BCHE: variants seen among roughly 807,000 people sequenced by gnomAD.
BCHE encodes butyrylcholinesterase.
BCHE carries 48 observed loss-of-function variants against 51.3 expected under a neutral mutation model. The ratio of observed to expected loss-of-function variants is 0.94; its 90% confidence interval spans 0.74 to 1.19. BCHE has a LOEUF of 1.19. Ranked by LOEUF, BCHE falls within the 50% of genes most tolerant of loss-of-function variation. BCHE has a pLI of 0.00. For missense variants in BCHE, 847 were observed against 708.2 expected, an observed-to-expected ratio of 1.20 and a Z score of -2.23; for synonymous variants, 251 against 238.0, an observed-to-expected ratio of 1.05 and a Z score of -0.50.
chr3:165,826,130 G>A (rs1231347061), intron 2 of BCHE, among the ~76,000 whole-genome samples: 2 of 151,964 alleles, frequency 1.3e-5, no homozygotes, highest in Non-Finnish European at 2.9e-5. Flanking sequence ...ATGTGTTCCT[G>A]CAATTCCTCT....
chr3:165,822,463 TGA>T (rs1237924623), intron 2 of BCHE, among the ~76,000 whole-genome samples: 3 of 152,086 alleles, frequency 2.0e-5, no homozygotes, highest in Non-Finnish European at 4.4e-5. Context: ...TTAATGGCAA[TGA>T]GAGAGTTATA....
chr3:165,821,045 TTAGA>T lies in BCHE; in HGVS notation c.1517+8468_1517+8471del, dbSNP rs1419293729. Among the ~76,000 whole-genome samples the T allele has an allele frequency of 1.5e-4, 22 of 148,196 alleles. No homozygotes were observed. The South Asian group carries it at 3.2e-3, about 22-fold the overall frequency. ...AACACAATTTTCTCACTTAAAAAAGTTAGATAGTCTCATCATTTCAGCACTTTAA... is the reference window on the plus strand; with the variant it reads ...AACACAATTTTCTCACTTAAAAAAGTTAGTCTCATCATTTCAGCACTTTAA... On this transcript the variant is annotated intron_variant, in intron 2 of 3. Coordinates refer to ENST00000264381, the MANE Select transcript of BCHE (RefSeq NM_000055.4).
chr3:165,819,589 A>G lies in BCHE; in HGVS notation c.1517+9928T>C, dbSNP rs369771979. The stretch of plus-strand genomic sequence containing the variant: ...TACAATGAGAAGAGTGTTAACCACA[A>G]AATAGTTTTTAATCAACATACTTAT... On this transcript the variant is annotated intron_variant, in intron 2 of 3. Coordinates refer to ENST00000264381, the MANE Select transcript of BCHE (RefSeq NM_000055.4). 3.3e-5 allele frequency among the ~76,000 whole-genome samples: 5 copies of G among 152,118 alleles called. No homozygotes were observed. The East Asian group carries it at 5.8e-4, about 18-fold the overall frequency.
At chr3:165,779,157 C>T (rs1029850874) in intron 3 of BCHE, among the ~76,000 whole-genome samples, 3 of 152,060 alleles carry the variant, frequency 2.0e-5, no homozygotes, top group Admixed American at 2.0e-4. Context: ...GTACATTTTC[C>T]ACTCTGTAGG....
rs538287794 is a variant in BCHE at position 165,833,776 on chromosome 3, G to A, written c.-8-2735C>T. Among the ~76,000 whole-genome samples, 126 of 103,352 alleles carry A rather than the reference G, an allele frequency of 1.2e-3. 2 individuals carry two copies. The South Asian group carries it at 0.049, about 41-fold the overall frequency. 67.8% of individuals were successfully genotyped at this position (103,352 alleles called of 152,430 possible). Reference sequence around the variant, plus strand: ...GAGAGCATCTGGAGAAAAACAAAGTGCTAGTATGATTTTTTTTATTTTCTG... The same window carrying A: ...GAGAGCATCTGGAGAAAAACAAAGTACTAGTATGATTTTTTTTATTTTCTG... On this transcript the variant is annotated intron_variant, in intron 1 of 3. Coordinates refer to ENST00000264381, the MANE Select transcript of BCHE (RefSeq NM_000055.4).
At chr3:165,793,644 A>G (rs1713256266) in intron 2 of BCHE, among the ~76,000 whole-genome samples, 1 of 152,174 alleles carries the variant, frequency 6.6e-6, no homozygotes. Flanking sequence ...ACAAATGACA[A>G]TTTCCGTATT....
chr3:165,784,819 C>G (rs913128455), intron 3 of BCHE, among the ~76,000 whole-genome samples: 1 of 151,668 alleles, frequency 6.6e-6, no homozygotes, highest in Non-Finnish European at 1.5e-5. Flanking sequence ...TTATAACCCT[C>G]TCATATAAAA....
intron 3 of BCHE, among the ~76,000 whole-genome samples, chr3:165,775,599 G>T (rs919033265): frequency 1.3e-5 from 2 of 151,346 alleles, no homozygotes; most frequent in Admixed American, 6.6e-5. Flanking sequence ...AATCCTTATA[G>T]AAAGAGTCCT....
At chr3:165,837,000 T>G (rs1715212932) in intron 1 of BCHE, among the ~76,000 whole-genome samples, 1 of 152,210 alleles carries the variant, frequency 6.6e-6, no homozygotes, top group Admixed American at 6.5e-5. Flanking sequence ...GAAATGTTTT[T>G]TCTTAGGAAA....
chr3:165,787,709 T>C (rs1310682430), intron 2 of BCHE, among the ~76,000 whole-genome samples: 1 of 151,976 alleles, frequency 6.6e-6, no homozygotes, highest in Non-Finnish European at 1.5e-5. Flanking sequence ...TAGAAGGAGA[T>C]ACAATTGAAT....
intron 2 of BCHE, among the ~76,000 whole-genome samples, chr3:165,817,617 C>T (rs955811700): frequency 3.9e-5 from 6 of 152,028 alleles, no homozygotes; most frequent in Non-Finnish European, 8.8e-5. Flanking sequence ...CCCAGATATT[C>T]ACATGATTTA....
rs376072044 is a variant in BCHE, at chr3:165,787,377, T to C, written c.1518-1066A>G. Among the ~76,000 whole-genome samples, 48 of 151,858 alleles carry C rather than the reference T, an allele frequency of 3.2e-4. 2 individuals are homozygous for C. In the South Asian group the frequency reaches 9.1e-3, roughly 29 times the overall value. ...GACACAGATCTAGCCTCTAGAAATA[T>C]AAATATGAAACACAAAGTTTTCCTC... On this transcript the variant is annotated intron_variant, in intron 2 of 3. Transcript: ENST00000264381.
rs767306248 is a variant in BCHE, at chr3:165,829,691, T to G, written c.1343A>C (p.Tyr448Ser). 1.2e-6 allele frequency: 2 copies of G among 1,613,850 alleles called. No homozygotes were observed. The highest frequency in any genetic ancestry group is 1.7e-6 in the Non-Finnish European group (2 of 1,179,900). ...AAGTTTGGAGGATCGGTGTTCAAAA[T>G]AGTAGAAAAAGGCATTATTTCCCCA... ...SEWGNNAFFYYFEHRSSKLPW... is the reference protein window; with the variant it reads ...SEWGNNAFFYSFEHRSSKLPW... The change falls in exon 2 of 4, where the codon TAT (tyrosine) becomes TCT (serine). Residue 448 changes from tyrosine to serine, a missense_variant. Transcript: ENST00000264381.
chr3:165,814,850 T>C (rs925262296), intron 2 of BCHE, among the ~76,000 whole-genome samples: 1 of 151,702 alleles, frequency 6.6e-6, no homozygotes. Context: ...ATGTTTAGTA[T>C]AATTATGTCC....
At chr3:165,776,170 G>A (rs1712464430) in intron 3 of BCHE, among the ~76,000 whole-genome samples, 1 of 151,890 alleles carries the variant, frequency 6.6e-6, no homozygotes, top group South Asian at 2.1e-4. Flanking sequence ...AGAGGATAAA[G>A]ACCTTTATGG....
At chr3:165,825,094 A>G (rs1283328982) in intron 2 of BCHE, among the ~76,000 whole-genome samples, 1 of 152,042 alleles carries the variant, frequency 6.6e-6, no homozygotes, top group Non-Finnish European at 1.5e-5. Context: ...TACTGTGTAG[A>G]CATACTATAT....
intron 2 of BCHE, among the ~76,000 whole-genome samples, chr3:165,821,928 T>TTCC: frequency 6.6e-6 from 1 of 152,074 alleles, no homozygotes; most frequent in African/African-American, 2.4e-5. Flanking sequence ...GTGAAAAATG[T>TTCC]ATTAATACAT....
At chr3:165,823,301 T>A (rs1012622283) in intron 2 of BCHE, among the ~76,000 whole-genome samples, 8 of 152,144 alleles carry the variant, frequency 5.3e-5, no homozygotes, top group Admixed American at 1.3e-4. Context: ...ATGAGTTTTA[T>A]ATAACTGAAT....
chr3:165,823,105 A>C (rs2108229799), intron 2 of BCHE, among the ~76,000 whole-genome samples: 1 of 152,272 alleles, frequency 6.6e-6, no homozygotes, highest in South Asian at 2.1e-4. Flanking sequence ...TATAGGTAGC[A>C]ATTCCAGTTA....
Sources: gnomAD v4.1 joint callset for allele counts (sites outside exome capture counted in the v4.1 genomes callset) on GRCh38, gnomAD v4.1.1 for gene constraint, MANE v1.5 for transcripts, NCBI Gene and HGNC (gene_info 2026-07-23, HGNC 2026-07-21) for gene names.